GBE1: variants seen among roughly 807,000 people sequenced by gnomAD.
GBE1 encodes 1,4-alpha-glucan branching enzyme 1.
A neutral mutation model predicts 88.8 loss-of-function variants in GBE1; 70 were observed. The observed-to-expected ratio is 0.79, with a 90% confidence interval of 0.65 to 0.96. The LOEUF is 0.96. Among genes scored for constraint, GBE1 ranks in the 40% least tolerant of loss-of-function variants. The pLI is 0.00. For missense variants in GBE1, 872 were observed against 871.0 expected (o/e 1.00, Z -0.01); for synonymous variants, 284 against 300.1 (o/e 0.95, Z 0.56).
At chr3:81,526,116 G>A (rs1702941060) in intron 14 of GBE1, among the ~76,000 whole-genome samples, 1 of 152,040 alleles carries the variant, frequency 6.6e-6, no homozygotes, top group Non-Finnish European at 1.5e-5. Flanking sequence ...TCTTTTAATT[G>A]TGATGTTAGG....
intron 2 of GBE1, among the ~76,000 whole-genome samples, chr3:81,690,463 C>A (rs988205671): frequency 1.3e-5 from 2 of 152,180 alleles, no homozygotes; most frequent in Non-Finnish European, 2.9e-5. Context: ...AGGCACACAG[C>A]AAACAATACA....
chr3:81,540,787 G>A (rs1703133348), intron 12 of GBE1, among the ~76,000 whole-genome samples: 1 of 151,956 alleles, frequency 6.6e-6, no homozygotes, highest in Non-Finnish European at 1.5e-5. Flanking sequence ...AGACTGATTG[G>A]GTAAATCAGA....
At chr3:81,515,988 C>T (rs1702794055) in intron 14 of GBE1, among the ~76,000 whole-genome samples, 1 of 151,638 alleles carries the variant, frequency 6.6e-6, no homozygotes, top group Non-Finnish European at 1.5e-5. Flanking sequence ...AAGACATCTT[C>T]ATAACATAAA....
At chr3:81,502,795 C>T (rs1422442189) in intron 14 of GBE1, among the ~76,000 whole-genome samples, 1 of 152,136 alleles carries the variant, frequency 6.6e-6, no homozygotes, top group Admixed American at 6.5e-5. Context: ...ATATGGGACC[C>T]ACACAGCACC....
At position 81,635,461 on chromosome 3, in the gene GBE1, G is replaced by A. The variant is rs528557592; in HGVS notation, c.992+7320C>T. On this transcript the variant is annotated intron_variant, in intron 7 of 15. Coordinates refer to ENST00000429644, the MANE Select transcript of GBE1 (RefSeq NM_000158.4). ...ATTATAAGAAAAACCTATATTTTCT[G>A]AAAGTAAGTGACTCAATGTAACATG... 7.9e-5 allele frequency among the ~76,000 whole-genome samples: 12 copies of A among 152,254 alleles called. No individual in the cohort carries two copies. The South Asian group carries it at 2.5e-3, about 32-fold the overall frequency.
chr3:81,548,552 C>T (rs980235077), intron 12 of GBE1, among the ~76,000 whole-genome samples: 10 of 151,152 alleles, frequency 6.6e-5, no homozygotes, highest in Non-Finnish European at 1.5e-4. Flanking sequence ...AAATCATATG[C>T]CAGAAAGGTA....
intron 10 of GBE1, 45 bp from the exon 11 acceptor site, chr3:81,581,320 TTTC>T: frequency 1.9e-6 from 2 of 1,072,784 alleles, no homozygotes; most frequent in Admixed American, 2.8e-5. Context: ...AAGCATTATT[TTTC>T]TTATTTTTAA....
rs57756683 is a variant in GBE1, at chr3:81,750,561, ATG to A, written c.143+10812_143+10813del. On this transcript the variant is annotated intron_variant, in intron 1 of 15. Transcript: ENST00000429644. The stretch of plus-strand genomic sequence containing the variant: ...TACGTATATATATATGTATATATAT[ATG>A]TATATATATATACGTATATATATAC... Among the ~76,000 whole-genome samples, 246 of 81,968 alleles carry A rather than the reference ATG, an allele frequency of 3.0e-3. 21 individuals are homozygous for A. The highest frequency in any genetic ancestry group is 0.01 in the Middle Eastern group (2 of 192). 53.8% of individuals were successfully genotyped at this position (81,968 alleles called of 152,430 possible). A position where few individuals can be genotyped will look rare whatever the true frequency, so the allele number is the denominator to read the frequency against.
chr3:81,724,407 A>G (rs1706079570), intron 1 of GBE1, among the ~76,000 whole-genome samples: 1 of 152,154 alleles, frequency 6.6e-6, no homozygotes, highest in South Asian at 2.1e-4. Flanking sequence ...TATTTCCCAC[A>G]GTTCTATAGT....
chr3:81,639,341 A>AT (rs58786681), intron 7 of GBE1, among the ~76,000 whole-genome samples: 4,523 of 140,702 alleles, frequency 0.032, 225 homozygotes, highest in African/African-American at 0.11. Flanking sequence ...TGAAAGGTGT[A>AT]TTTTTTTTTA....
At chr3:81,645,059 T>G (rs931903846) in intron 6 of GBE1, among the ~76,000 whole-genome samples, 1 of 152,172 alleles carries the variant, frequency 6.6e-6, no homozygotes, top group Non-Finnish European at 1.5e-5. Context: ...GTTTGATATA[T>G]GTATTAGATA....
At chr3:81,679,043 C>T (rs774779125) in intron 2 of GBE1, among the ~76,000 whole-genome samples, 7 of 151,968 alleles carry the variant, frequency 4.6e-5, no homozygotes, top group East Asian at 3.9e-4. Flanking sequence ...TAATGTACAT[C>T]GGGCAAGGGA....
intron 2 of GBE1, among the ~76,000 whole-genome samples, chr3:81,684,645 C>T (rs536188481): frequency 3.9e-5 from 6 of 152,282 alleles, no homozygotes; most frequent in Admixed American, 6.5e-5. Flanking sequence ...TTTGAGGAGA[C>T]GCAAACACTC....
At chr3:81,710,936 T>C (rs963639047) in intron 1 of GBE1, among the ~76,000 whole-genome samples, 6 of 152,188 alleles carry the variant, frequency 3.9e-5, no homozygotes, top group Admixed American at 3.3e-4. Context: ...ATGTGAGTTA[T>C]GGAAAGTCTG....
At chr3:81,592,302 C>T (rs1463251864) in intron 8 of GBE1, among the ~76,000 whole-genome samples, 1 of 152,146 alleles carries the variant, frequency 6.6e-6, no homozygotes, top group Non-Finnish European at 1.5e-5. Flanking sequence ...TCCTCCACTC[C>T]TCAGCCCCTG....
chr3:81,626,065 GC>G (rs1386483121), intron 7 of GBE1, among the ~76,000 whole-genome samples: 1 of 152,142 alleles, frequency 6.6e-6, no homozygotes, highest in African/African-American at 2.4e-5. Flanking sequence ...TAGTTTAGGG[GC>G]GGTAAGATTT....
At chr3:81,753,874 C>G (rs1199688410) in intron 1 of GBE1, among the ~76,000 whole-genome samples, 1 of 152,118 alleles carries the variant, frequency 6.6e-6, no homozygotes, top group Admixed American at 6.6e-5. Flanking sequence ...CACAACTTGG[C>G]CAGGCACTGA....
intron 2 of GBE1, among the ~76,000 whole-genome samples, chr3:81,678,000 A>C (rs1157021482): frequency 6.6e-6 from 1 of 152,212 alleles, no homozygotes; most frequent in South Asian, 2.1e-4. Context: ...GAAATTAGAA[A>C]ATAAATCAAA....
At chr3:81,686,154 C>A (rs1705435047) in intron 2 of GBE1, among the ~76,000 whole-genome samples, 1 of 152,104 alleles carries the variant, frequency 6.6e-6, no homozygotes. Flanking sequence ...CTTGGTAAGA[C>A]AATTGTTTGG....
Sources: gnomAD v4.1 joint callset for allele counts (sites outside exome capture counted in the v4.1 genomes callset) on GRCh38, gnomAD v4.1.1 for gene constraint, MANE v1.5 for transcripts, NCBI Gene and HGNC (gene_info 2026-07-23, HGNC 2026-07-21) for gene names.